Variants in TSPAN4 observed in about 807,000 individuals in gnomAD.
TSPAN4 encodes tetraspanin-4.
TSPAN4 carries 38 observed loss-of-function variants against 31.5 expected under a neutral mutation model. The observed-to-expected ratio is 1.21, with a 90% CI of 0.93 to 1.58. The LOEUF (loss-of-function observed/expected upper bound fraction) is 1.58, where lower values mean the gene tolerates loss of function less well. Among genes scored for constraint, TSPAN4 ranks in the 40% most tolerant of loss-of-function variants. The pLI is 0.00. For synonymous variants in TSPAN4, 186 were observed against 144.6 expected, an observed-to-expected ratio of 1.29 and a Z score of -2.06; for missense variants, 330 against 317.3, an observed-to-expected ratio of 1.04 and a Z score of -0.30.
chr11:864,741 G>T, intron 5 of TSPAN4: 1 of 600,480 alleles, frequency 1.7e-6, no homozygotes, highest in Non-Finnish European at 2.9e-6. Context: ...ACCCCACCCG[G>T]AGGGTGCGCC....
chr11:862,387 A>T (rs1848505081), intron 3 of TSPAN4, 163 bp from the exon 4 acceptor site: 2 of 625,778 alleles, frequency 3.2e-6, no homozygotes, highest in Non-Finnish European at 5.4e-6. Context: ...CCTGCCCTGG[A>T]CACCCCCCCG....
intron 3 of TSPAN4, among the ~76,000 whole-genome samples, chr11:853,899 T>G (rs1274198739): frequency 6.6e-6 from 1 of 152,132 alleles, no homozygotes; most frequent in East Asian, 1.9e-4. Context: ...GGAGGCTGGG[T>G]GCAGGGCCCG....
At chr11:850,219 G>A in intron 2 of TSPAN4, 69 bp from the exon 3 acceptor site, 2 of 1,338,798 alleles carry the variant, frequency 1.5e-6, no homozygotes, top group Non-Finnish European at 2.1e-6. Flanking sequence ...GCCCAGGCGC[G>A]CTACACGTCG....
At chr11:844,709 G>GT (rs1310252476) in intron 1 of TSPAN4, 3 of 151,916 alleles carry the variant, frequency 2.0e-5, no homozygotes, top group African/African-American at 4.8e-5. Context: ...TGGCTTCTGG[G>GT]GGGGGGGGTC....
chr11:865,419 A>T, intron 5 of TSPAN4, 94 bp from the exon 6 acceptor site: 1 of 980,268 alleles, frequency 1.0e-6, no homozygotes, highest in Non-Finnish European at 1.6e-6. Flanking sequence ...GACCAGGCGC[A>T]GGAGGGGCCC....
chr11:851,856 T>C (rs879495798), intron 3 of TSPAN4, among the ~76,000 whole-genome samples: 63 of 152,106 alleles, frequency 4.1e-4, no homozygotes, highest in Admixed American at 2.7e-3. Flanking sequence ...GGAAGCCCTC[T>C]CTCCTCTCCA....
chr11:864,154 T>G, intron 4 of TSPAN4: 1 of 512,500 alleles, frequency 2.0e-6, no homozygotes, highest in Non-Finnish European at 3.5e-6. Flanking sequence ...CACTTGGGGG[T>G]GTCTGGGTTG....
In TSPAN4 at chr11:867,101, G is replaced by C. The variant is rs943857674; in HGVS notation, c.*471G>C. The C allele has an allele frequency of 6.4e-6, 1 of 156,946 alleles. No individual in the cohort carries two copies. The highest frequency in any genetic ancestry group is 2.4e-5 in the African/African-American group (1 of 41,556). The allele number at this position is 156,946 out of a possible 1,614,324, so 9.7% of individuals were successfully genotyped here. On this transcript the variant is annotated 3_prime_UTR_variant, in exon 9 of 9. Coordinates refer to ENST00000397397, the MANE Select transcript of TSPAN4 (RefSeq NM_003271.5). The stretch of plus-strand genomic sequence containing the variant: ...GGCTCCTGGTGCATCTTAATAAAGT[G>C]TGAGCAGCAACCTTGCGTCTATTGC...
rs145137446 is a variant in TSPAN4 at position 866,627 on chromosome 11, G to T, written c.714G>T (p.Ala238=). 6.2e-7 allele frequency: 1 copy of T among 1,611,974 alleles called. No homozygotes were observed. Among genetic ancestry groups the T allele is most frequent in the South Asian group, 1.1e-5 (1 of 90,958 alleles). Residue 238 remains alanine (A), a synonymous_variant, in exon 9 of 9, where the codon GCG becomes GCT. Transcript: ENST00000397397. ...TGGTCAAGGCAGACACCTACTGCGC[G>T]TAGGCCGCCCACCGCCCGCTTCTCT... The part of the protein sequence containing the change: ...CQVVKADTYC[A]
At chr11:851,617 A>G (rs567748376) in intron 3 of TSPAN4, among the ~76,000 whole-genome samples, 47 of 149,650 alleles carry the variant, frequency 3.1e-4, no homozygotes, top group African/African-American at 1.1e-3. Flanking sequence ...GGGTCACCCA[A>G]GGGTTTGTTT....
At chr11:852,322 C>A (rs1847799150) in intron 3 of TSPAN4, among the ~76,000 whole-genome samples, 1 of 152,156 alleles carries the variant, frequency 6.6e-6, no homozygotes, top group Non-Finnish European at 1.5e-5. Flanking sequence ...CAGGGTTTCA[C>A]CATGTTGGTC....
At position 866,634 on chromosome 11, in the gene TSPAN4, G is replaced by A. The variant is rs201445034; in HGVS notation, c.*4G>A. 25 of 1,610,194 alleles carry A rather than the reference G, an allele frequency of 1.6e-5. No homozygotes were observed. The highest frequency in any genetic ancestry group is 3.3e-4 in the Middle Eastern group (2 of 6,044). On this transcript the variant is annotated 3_prime_UTR_variant, in exon 9 of 9. Transcript: ENST00000397397. ...GGCAGACACCTACTGCGCGTAGGCC[G>A]CCCACCGCCCGCTTCTCTGCCAAAA... is the stretch of plus-strand genomic sequence containing the variant.
intron 3 of TSPAN4, among the ~76,000 whole-genome samples, chr11:859,075 C>T (rs1475193126): frequency 7.2e-6 from 1 of 138,466 alleles, no homozygotes; most frequent in Non-Finnish European, 1.6e-5. Flanking sequence ...ACCCCCGGCA[C>T]ACATGCACCC....
In TSPAN4 at chr11:865,365, G is replaced by A. The variant is rs906539843; in HGVS notation, c.331-148G>A. On this transcript the variant is annotated intron_variant, in intron 5 of 8. Transcript: ENST00000397397. ...AGGGCTGCTGGGAGGACATGGGGCC[G>A]GTGTGTCTGCAGCTTGGTGGGCTAG... 16 of 640,404 alleles carry A rather than the reference G, an allele frequency of 2.5e-5. No individual in the cohort carries two copies. The Middle Eastern group carries it at 1.3e-3, about 50-fold the overall frequency. 39.7% of individuals were successfully genotyped at this position (640,404 alleles called of 1,614,324 possible). A position where few individuals can be genotyped will look rare whatever the true frequency, so the allele number is the denominator to read the frequency against.
intron 1 of TSPAN4, among the ~76,000 whole-genome samples, chr11:845,160 G>A (rs574427334): frequency 1.1e-3 from 160 of 152,282 alleles, no homozygotes; most frequent in African/African-American, 3.4e-3. Flanking sequence ...CCCCAGCCTC[G>A]CCCCCACACC....
intron 3 of TSPAN4, among the ~76,000 whole-genome samples, chr11:852,800 C>T (rs577288900): frequency 1.3e-5 from 2 of 152,306 alleles, no homozygotes; most frequent in South Asian, 2.1e-4. Flanking sequence ...GCCTCCTCCT[C>T]CTCCTCCTCC....
intron 3 of TSPAN4, chr11:858,525 C>G (rs1472066680): frequency 5.8e-6 from 1 of 172,986 alleles, no homozygotes; most frequent in Non-Finnish European, 1.2e-5. Flanking sequence ...GGATCCCACC[C>G]CCGCTGACAC....
At chr11:852,581 T>G (rs1053270272) in intron 3 of TSPAN4, among the ~76,000 whole-genome samples, 10 of 151,270 alleles carry the variant, frequency 6.6e-5, no homozygotes, top group Admixed American at 6.6e-4. Flanking sequence ...GCCAGGAGAG[T>G]CTGTCCCGGG....
Position 848,931 on chromosome 11 carries a change from C to T in TSPAN4, c.-17-1357C>T. On this transcript the variant is annotated intron_variant, in intron 2 of 8. Transcript: ENST00000397397. The surrounding 1 kb of genome is among the most constrained non-coding windows in gnomAD (Gnocchi z 5.7). ...AGTGCAGGCACATCTGCGCACGGGG[C>T]CGGTATGTCTGTACCTGTCAAGGGG... 1.4e-6 allele frequency: 1 copy of T among 713,508 alleles called. No homozygotes were observed. The highest frequency in any genetic ancestry group is 2.6e-6 in the Non-Finnish European group (1 of 383,202). 44.2% of individuals were successfully genotyped at this position (713,508 alleles called of 1,614,324 possible).
Sources: gnomAD v4.1 joint callset for allele counts (sites outside exome capture counted in the v4.1 genomes callset) on GRCh38, gnomAD v4.1.1 for gene constraint, Gnocchi (gnomAD v3.1) non-coding constraint, MANE v1.5 for transcripts, NCBI Gene and HGNC (gene_info 2026-07-23, HGNC 2026-07-21) for gene names.